IL1RAPL1: variants seen among roughly 807,000 people sequenced by gnomAD.
IL1RAPL1 encodes interleukin 1 receptor accessory protein like 1, also known as interleukin-1 receptor accessory protein-like 1.
A neutral mutation model predicts 48.4 loss-of-function variants in IL1RAPL1; 3 were observed. The observed-to-expected ratio is 0.06, with a 90% CI of 0.03 to 0.16. The LOEUF (loss-of-function observed/expected upper bound fraction) is 0.16. Ranked by LOEUF, IL1RAPL1 falls within the 10% of genes least tolerant of loss-of-function variation. IL1RAPL1 has a pLI of 1.00. For missense variants in IL1RAPL1, 349 were observed against 530.6 expected (o/e 0.66, Z 3.36); for synonymous variants, 185 against 187.7 (o/e 0.99, Z 0.12).
At chrX:28,733,478 C>T (rs1935781579) in intron 1 of IL1RAPL1, among the ~76,000 whole-genome samples, 1 of 110,906 alleles carries the variant, frequency 9.0e-6, no homozygotes, top group Admixed American at 9.7e-5. Context: ...TCCCGAATGT[C>T]CTCCACATTG....
intron 2 of IL1RAPL1, among the ~76,000 whole-genome samples, chrX:28,835,960 G>A (rs771224145): frequency 2.7e-4 from 30 of 110,775 alleles, no homozygotes; most frequent in East Asian, 2.3e-3. Context: ...AATATTATAT[G>A]TATTGAGATG....
intron 1 of IL1RAPL1, among the ~76,000 whole-genome samples, chrX:28,605,410 C>A (rs1240233476): frequency 9.0e-6 from 1 of 111,639 alleles, no homozygotes; most frequent in African/African-American, 3.3e-5. Context: ...TGAAATCACT[C>A]ATCATTTCTC....
chrX:29,132,257 C>A (rs987738140), intron 2 of IL1RAPL1, among the ~76,000 whole-genome samples: 3 of 111,496 alleles, frequency 2.7e-5, no homozygotes, highest in Non-Finnish European at 5.6e-5. Context: ...TTAATACAGT[C>A]ATATGCCACA....
chrX:29,509,310 C>T (rs999956266), intron 5 of IL1RAPL1, among the ~76,000 whole-genome samples: 4 of 111,774 alleles, frequency 3.6e-5, no homozygotes, highest in African/African-American at 9.8e-5. Flanking sequence ...CCCAGATTAT[C>T]CAGGCTAATC....
chrX:29,513,409 A>G (rs899527977), intron 5 of IL1RAPL1, among the ~76,000 whole-genome samples: 1 of 111,893 alleles, frequency 8.9e-6, no homozygotes, highest in African/African-American at 3.2e-5. Context: ...ATAAAATTAT[A>G]TGCTACAGCA....
At chrX:29,344,627 G>GT (rs968287631) in intron 3 of IL1RAPL1, among the ~76,000 whole-genome samples, 19 of 110,694 alleles carry the variant, frequency 1.7e-4, no homozygotes, top group African/African-American at 5.2e-4. Context: ...AGGTAACCAT[G>GT]TTTTTTTTGT....
chrX:29,661,382 A>G (rs1602351567), intron 5 of IL1RAPL1, among the ~76,000 whole-genome samples: 3 of 112,413 alleles, frequency 2.7e-5, no homozygotes, highest in South Asian at 3.7e-4. Context: ...AAAAGTGGAC[A>G]TCTTTGTCTT....
chrX:29,173,795 A>G (rs1348141039), intron 2 of IL1RAPL1, among the ~76,000 whole-genome samples: 1 of 112,244 alleles, frequency 8.9e-6, no homozygotes, highest in Admixed American at 9.5e-5. Flanking sequence ...AACTGTCTGG[A>G]TGATATGTGT....
intron 2 of IL1RAPL1, among the ~76,000 whole-genome samples, chrX:29,023,024 T>C (rs1926406749): frequency 8.9e-6 from 1 of 112,225 alleles, no homozygotes. Flanking sequence ...AGAAGGGTGT[T>C]ACTAAAAATT....
At chrX:29,904,323 G>A (rs1182937442) in intron 6 of IL1RAPL1, among the ~76,000 whole-genome samples, 1 of 109,756 alleles carries the variant, frequency 9.1e-6, no homozygotes, top group African/African-American at 3.3e-5. Flanking sequence ...TAAATAGCTT[G>A]GACTTAAATA....
At chrX:29,359,927 C>T (rs1933354551) in intron 3 of IL1RAPL1, among the ~76,000 whole-genome samples, 1 of 110,872 alleles carries the variant, frequency 9.0e-6, no homozygotes, top group African/African-American at 3.3e-5. Context: ...ATGTTATTAC[C>T]ATTCCATTTC....
chrX:28,650,141 A>T (rs1466200487), intron 1 of IL1RAPL1, among the ~76,000 whole-genome samples: 1 of 112,053 alleles, frequency 8.9e-6, no homozygotes, highest in Admixed American at 9.5e-5. Context: ...ATGCTTTCAA[A>T]CAATTATTTC....
intron 5 of IL1RAPL1, among the ~76,000 whole-genome samples, chrX:29,433,628 A>T (rs1934446717): frequency 9.0e-6 from 1 of 111,327 alleles, no homozygotes. Context: ...ACTGCATGAG[A>T]ATGCCTGTTT....
In IL1RAPL1 at chrX:29,008,182, T is replaced by A. The variant is rs770758558; in HGVS notation, c.82+218757T>A. Among the ~76,000 whole-genome samples, 160 of 109,225 alleles carry A rather than the reference T, an allele frequency of 1.5e-3. 1 individual carries two copies. Among genetic ancestry groups the A allele is most frequent in the African/African-American group, 5.0e-3 (150 of 30,010 alleles). The allele number at this position is 109,225 out of a possible 115,157, so 94.8% of individuals were successfully genotyped here. On this transcript the variant is annotated intron_variant, in intron 2 of 10. Transcript: ENST00000378993. The stretch of plus-strand genomic sequence containing the variant: ...AGGCCCGGATAATTTTTTTTTTTTT[T>A]TTATTGAGACGGAGTCTCACTCTAT...
At chrX:28,990,832 C>A (rs1288512550) in intron 2 of IL1RAPL1, among the ~76,000 whole-genome samples, 1 of 111,426 alleles carries the variant, frequency 9.0e-6, no homozygotes, top group Admixed American at 9.6e-5. Context: ...CATATAAACT[C>A]TTCGGAGGCC....
chrX:29,090,344 A>C (rs988413582), intron 2 of IL1RAPL1, among the ~76,000 whole-genome samples: 3 of 111,831 alleles, frequency 2.7e-5, no homozygotes, highest in Admixed American at 9.5e-5. Context: ...CCTCTGTCCA[A>C]ATTGTATCCT....
chrX:29,274,715 G>A (rs1044874844), intron 2 of IL1RAPL1, among the ~76,000 whole-genome samples: 1 of 111,764 alleles, frequency 8.9e-6, no homozygotes, highest in African/African-American at 3.3e-5. Flanking sequence ...CTGTAATGAA[G>A]GCAGAAAATG....
chrX:29,798,857 A>G (rs909594992), intron 6 of IL1RAPL1, among the ~76,000 whole-genome samples: 1 of 112,255 alleles, frequency 8.9e-6, no homozygotes, highest in African/African-American at 3.2e-5. Context: ...GAATGATTAA[A>G]AAGAGATTTT....
At chrX:29,119,821 A>G (rs1928746208) in intron 2 of IL1RAPL1, among the ~76,000 whole-genome samples, 1 of 111,450 alleles carries the variant, frequency 9.0e-6, no homozygotes, top group African/African-American at 3.3e-5. Flanking sequence ...GGAAAGGGGG[A>G]AAATACAGAT....
Sources: allele counts gnomAD v4.1 joint callset (sites outside exome capture counted in the v4.1 genomes callset), GRCh38; gene constraint gnomAD v4.1.1; transcripts MANE v1.5; gene names NCBI Gene and HGNC (gene_info 2026-07-23, HGNC 2026-07-21).